The following DAB1 variants were observed in gnomAD, a reference collection of about 807,000 sequenced individuals.
DAB1 encodes the protein DAB adaptor protein 1, also known as disabled homolog 1.
In DAB1, 15 loss-of-function variants were observed where a neutral mutation model predicts 64.6. The observed-to-expected ratio is 0.23, with a 90% CI of 0.16 to 0.36. The LOEUF is 0.36. Ranked by LOEUF, DAB1 falls within the 10% of genes least tolerant of loss-of-function variation. The probability of loss-of-function intolerance (pLI) is 1.00; values close to 1 mark genes in which losing one functional copy is unlikely to be tolerated. For missense variants in DAB1, 596 were observed against 706.7 expected (o/e 0.84, Z 1.78); for synonymous variants, 235 against 251.9 (o/e 0.93, Z 0.64).
chr1:58,181,555 T>C (rs1205331683), intron 4 of DAB1, among the ~76,000 whole-genome samples: 6 of 152,162 alleles, frequency 3.9e-5, no homozygotes, highest in Admixed American at 3.9e-4. Flanking sequence ...TATTTTCTTC[T>C]GTACCATTTT....
chr1:58,371,442 G>A (rs558744879), intron 3 of DAB1, among the ~76,000 whole-genome samples: 7 of 152,176 alleles, frequency 4.6e-5, no homozygotes, highest in East Asian at 1.9e-4. Context: ...TGGAACTTAC[G>A]TTTAAAGAAG....
intron 2 of DAB1, among the ~76,000 whole-genome samples, chr1:58,518,845 G>A (rs777882523): frequency 1.1e-4 from 16 of 152,098 alleles, no homozygotes; most frequent in Admixed American, 4.6e-4. Flanking sequence ...TAAAAGACAC[G>A]AGCTCTAAGA....
intron 14 of DAB1, among the ~76,000 whole-genome samples, chr1:57,006,124 G>A (rs898004109): frequency 6.6e-6 from 1 of 152,104 alleles, no homozygotes; most frequent in African/African-American, 2.4e-5. Flanking sequence ...GGCCCACAAG[G>A]CACACATATT....
intron 4 of DAB1, among the ~76,000 whole-genome samples, chr1:58,180,260 CTTTTTTCTT>C (rs1469359935): frequency 1.0e-4 from 8 of 77,738 alleles, no homozygotes; most frequent in Non-Finnish European, 2.4e-5. Context: ...TGAGATCTTT[CTTTTTTCTT>C]TTTTTTCTTT....
At chr1:57,265,032 G>T (rs1456017076) in intron 2 of DAB1, among the ~76,000 whole-genome samples, 2 of 152,124 alleles carry the variant, frequency 1.3e-5, no homozygotes, top group African/African-American at 4.8e-5. Context: ...ATTTCATTTT[G>T]CGGCTTAGAA....
At chr1:57,721,795 T>C (rs1193163025) in intron 6 of DAB1, among the ~76,000 whole-genome samples, 1 of 152,172 alleles carries the variant, frequency 6.6e-6, no homozygotes. Context: ...TGGGCATCCA[T>C]CTATGTGCTT....
At chr1:57,285,802 G>A (rs970633836) in intron 2 of DAB1, among the ~76,000 whole-genome samples, 4 of 152,136 alleles carry the variant, frequency 2.6e-5, no homozygotes, top group Admixed American at 6.5e-5. Context: ...AAGACTCCAG[G>A]CACTGCCCCC....
intron 4 of DAB1, among the ~76,000 whole-genome samples, chr1:57,087,344 C>CCTCACT (rs1196725684): frequency 6.6e-6 from 1 of 152,210 alleles, no homozygotes; most frequent in Non-Finnish European, 1.5e-5. Context: ...GGCAAGTTAG[C>CCTCACT]CTCACTGGGG....
intron 4 of DAB1, among the ~76,000 whole-genome samples, chr1:58,222,384 C>T (rs1264500258): frequency 6.6e-6 from 1 of 152,152 alleles, no homozygotes; most frequent in Non-Finnish European, 1.5e-5. Flanking sequence ...ATGTTCATTG[C>T]ACCAAGCCTG....
At chr1:57,161,530 A>G (rs1831870) in intron 2 of DAB1, among the ~76,000 whole-genome samples, 82,202 of 152,000 alleles carry the variant, frequency 0.54, 23,767 homozygotes, top group African/African-American at 0.75. Context: ...TTTGGCTAAT[A>G]CACATAATAA....
intron 3 of DAB1, among the ~76,000 whole-genome samples, chr1:58,477,905 TA>T (rs979021945): frequency 1.3e-5 from 2 of 152,122 alleles, no homozygotes; most frequent in African/African-American, 4.8e-5. Context: ...TACCCTTGAG[TA>T]ACTTCCATTA....
chr1:57,441,306 CTTT>C (rs749258055), intron 7 of DAB1, among the ~76,000 whole-genome samples: 16,581 of 94,716 alleles, frequency 0.18, 1,139 homozygotes, highest in Non-Finnish European at 0.25. Context: ...TTCTTTCTTT[CTTT>C]CTTTCTTTCT....
chr1:57,246,799 C>A (rs887845917), intron 2 of DAB1, among the ~76,000 whole-genome samples: 2 of 152,182 alleles, frequency 1.3e-5, no homozygotes, highest in African/African-American at 4.8e-5. Flanking sequence ...ATCAGTGTGC[C>A]CTAGGTGTGA....
intron 6 of DAB1, among the ~76,000 whole-genome samples, chr1:57,756,587 A>G (rs1648818112): frequency 6.6e-6 from 1 of 152,160 alleles, no homozygotes; most frequent in Non-Finnish European, 1.5e-5. Flanking sequence ...TGGAAAGATC[A>G]TTAAGGTCAC....
chr1:57,502,595 C>T (rs1547791), intron 7 of DAB1, among the ~76,000 whole-genome samples: 3,897 of 152,184 alleles, frequency 0.026, 159 homozygotes, highest in African/African-American at 0.089. Context: ...ATATCCTTAT[C>T]ACATATAATA....
intron 3 of DAB1, among the ~76,000 whole-genome samples, chr1:58,494,890 A>G (rs989868419): frequency 2.0e-5 from 3 of 152,150 alleles, no homozygotes; most frequent in African/African-American, 7.2e-5. Context: ...AACTAGAAAT[A>G]CCATTTGACC....
chr1:57,654,728 C>T (rs1009946406), intron 6 of DAB1, among the ~76,000 whole-genome samples: 4 of 151,848 alleles, frequency 2.6e-5, no homozygotes, highest in African/African-American at 4.8e-5. Flanking sequence ...CATTTATTTT[C>T]TCTGTTGCTT....
In DAB1 at chr1:57,538,824, G is replaced by T. The variant is rs1043838524; in HGVS notation, n.625+110768C>A. 2.0e-5 allele frequency among the ~76,000 whole-genome samples: 3 copies of T among 152,220 alleles called. No individual in the cohort carries two copies. In the South Asian group the frequency reaches 6.2e-4, roughly 32 times the overall value. On this transcript the variant is annotated intron_variant and non_coding_transcript_variant, in intron 7 of 20. Coordinates refer to the DAB1 transcript ENST00000485760. ...AAAGTTCTATATTCATTACCATTAAGACAATGAGATTCTTTTGAGCCCACT... is the reference window on the plus strand; with the variant it reads ...AAAGTTCTATATTCATTACCATTAATACAATGAGATTCTTTTGAGCCCACT...
chr1:57,026,440 A>T (rs1646791514), intron 9 of DAB1, among the ~76,000 whole-genome samples: 1 of 152,160 alleles, frequency 6.6e-6, no homozygotes, highest in Non-Finnish European at 1.5e-5. Flanking sequence ...CTTGCCTTCC[A>T]TGTGCAAGTA....
Sources: gnomAD v4.1 joint callset for allele counts (sites outside exome capture counted in the v4.1 genomes callset) on GRCh38, gnomAD v4.1.1 for gene constraint, MANE v1.5 for transcripts, NCBI Gene and HGNC (gene_info 2026-07-23, HGNC 2026-07-21) for gene names.